The following GRTP1 variants were observed in gnomAD, a reference collection of about 807,000 sequenced individuals.
The protein encoded by GRTP1 is growth hormone regulated TBC protein 1.
GRTP1 carries 56 observed loss-of-function variants against 38.1 expected under a neutral mutation model. The ratio of observed to expected loss-of-function variants is 1.47; its 90% confidence interval spans 1.19 to 1.84. The LOEUF (loss-of-function observed/expected upper bound fraction) is 1.84. GRTP1 is among the 40% of genes most tolerant of loss of function. The pLI, the probability that GRTP1 is intolerant of heterozygous loss-of-function variation, is 0.00. For synonymous variants in GRTP1, 217 were observed against 189.5 expected (o/e 1.14, Z -1.19); for missense variants, 506 against 453.9 (o/e 1.11, Z -1.04).
At chr13:113,328,222 A>G (rs1020381845) in intron 5 of GRTP1, among the ~76,000 whole-genome samples, 1 of 152,078 alleles carries the variant, frequency 6.6e-6, no homozygotes, top group African/African-American at 2.4e-5. Context: ...CAAACCACCC[A>G]ACACTGTGCA....
chr13:113,327,605 C>T (rs887660052), intron 5 of GRTP1, among the ~76,000 whole-genome samples: 16 of 152,230 alleles, frequency 1.1e-4, no homozygotes, highest in Non-Finnish European at 2.1e-4. Context: ...ATACTAACGC[C>T]TCTGAAGGTG....
chr13:113,333,983 C>T (rs912601355), intron 5 of GRTP1, among the ~76,000 whole-genome samples: 2 of 151,388 alleles, frequency 1.3e-5, no homozygotes, highest in African/African-American at 4.9e-5. Flanking sequence ...TATAGGTGTG[C>T]GCCACCATGC....
chr13:113,324,628 G>A (rs750523938), intron 7 of GRTP1, 51 bp from the exon 8 acceptor site: 32 of 1,546,834 alleles, frequency 2.1e-5, no homozygotes, highest in Middle Eastern at 1.7e-4. Flanking sequence ...CCATTTCTAC[G>A]TTAGCTCTCC....
chr13:113,346,047 AGAGCAGACCCGGGAGGACCTCTGCGGCT>A (rs1566428839), intron 4 of GRTP1, among the ~76,000 whole-genome samples: 1 of 83,840 alleles, frequency 1.2e-5, no homozygotes, highest in African/African-American at 4.4e-5. Flanking sequence ...TCTGTGGCCG[AGAGCAGACCCGGGAGGACCTCTGCGGCT>A]GAGCAGACCT....
intron 5 of GRTP1, among the ~76,000 whole-genome samples, chr13:113,329,257 C>T (rs1210837825): frequency 6.6e-6 from 1 of 152,166 alleles, no homozygotes; most frequent in Non-Finnish European, 1.5e-5. Context: ...TCTGCAGTGC[C>T]ACGGAGACAT....
chr13:113,364,008 C>T lies in GRTP1; in HGVS notation c.32+12G>A, dbSNP rs778459566. On this transcript the variant is annotated intron_variant, in intron 1 of 7. Transcript: ENST00000375431. ...GCAGCCGCCGGGGACGCCCGCACCC[C>T]GCGCCACACACCTGGGGACCCGCGA... The T allele has an allele frequency of 2.7e-6, 4 of 1,461,228 alleles. No homozygotes were observed. The highest frequency in any genetic ancestry group is 1.5e-5 in the African/African-American group (1 of 67,240). 90.5% of individuals were successfully genotyped at this position (1,461,228 alleles called of 1,614,324 possible).
intron 5 of GRTP1, among the ~76,000 whole-genome samples, chr13:113,333,802 CTTTATTTA>C (rs374558438): frequency 4.9e-4 from 61 of 124,898 alleles, no homozygotes; most frequent in South Asian, 2.6e-3. Context: ...AGTGCCTGTA[CTTTATTTA>C]TTTATTTATT....
chr13:113,360,080 C>T (rs1162233666), intron 2 of GRTP1: 2 of 152,098 alleles, frequency 1.3e-5, no homozygotes, highest in African/African-American at 4.8e-5. Context: ...TATGTTTTCT[C>T]GATTTAACTT....
chr13:113,325,143 CTT>C, intron 7 of GRTP1: 1 of 1,029,624 alleles, frequency 9.7e-7, no homozygotes, highest in South Asian at 4.1e-5. Context: ...ATGGTCTTCT[CTT>C]TGATGAAGGC....
In GRTP1 at chr13:113,349,824, C is replaced by T. The variant is rs1171818158; in HGVS notation, c.465+1025G>A. Reference sequence around the variant, plus strand: ...CAAACTGCATTTTCTGGTTGGTGCACGCCTGGCTCCCGGCTCCTACAGGAA... The same window carrying T: ...CAAACTGCATTTTCTGGTTGGTGCATGCCTGGCTCCCGGCTCCTACAGGAA... On this transcript the variant is annotated intron_variant, in intron 4 of 7. Coordinates refer to ENST00000375431, the MANE Select transcript of GRTP1 (RefSeq NM_024719.4). This position sits in a 1 kb window ranked among gnomAD's most constrained non-coding sequence, Gnocchi z 5.0. 2.0e-5 allele frequency among the ~76,000 whole-genome samples: 3 copies of T among 152,172 alleles called. No individual in the cohort carries two copies. The highest frequency in any genetic ancestry group is 4.4e-5 in the Non-Finnish European group (3 of 68,030).
chr13:113,364,056 G>T lies in GRTP1; in HGVS notation c.-5C>A. The T allele has an allele frequency of 7.8e-7, 1 of 1,284,704 alleles. No homozygotes were observed. The highest frequency in any genetic ancestry group is 9.8e-7 in the Non-Finnish European group (1 of 1,022,596). The allele number at this position is 1,284,704 out of a possible 1,614,324, so 79.6% of individuals were successfully genotyped here. The stretch of plus-strand genomic sequence containing the variant: ...CGAGCGCTCGGCGGGCTGCATGCGG[G>T]GAGGGAGGCGCGCACCGAGCGAGGC... On this transcript the variant is annotated 5_prime_UTR_variant, in exon 1 of 8. Transcript: ENST00000375431.
Position 113,333,230 on chromosome 13 carries a change from G to A in GRTP1, c.563-7139C>T, listed in dbSNP as rs11843077. Among the ~76,000 whole-genome samples the A allele has an allele frequency of 3.1e-3, 465 of 152,264 alleles. 1 individual carries two copies. The highest frequency in any genetic ancestry group is 0.01 in the African/African-American group (435 of 41,570). On this transcript the variant is annotated intron_variant, in intron 5 of 7. Coordinates refer to ENST00000375431, the MANE Select transcript of GRTP1 (RefSeq NM_024719.4). ...AAGAGAAAGAGGTGCAGATTCCCACGCACAGACCGAAGGGGCCCAAGGGTT... is the reference window on the plus strand; with the variant it reads ...AAGAGAAAGAGGTGCAGATTCCCACACACAGACCGAAGGGGCCCAAGGGTT...
chr13:113,355,743 G>A, intron 2 of GRTP1: 1 of 310,626 alleles, frequency 3.2e-6, no homozygotes, highest in Non-Finnish European at 5.9e-6. Flanking sequence ...AGGTGGTCAA[G>A]AAACAGAGCC....
chr13:113,363,186 G>A (rs2043529546), intron 2 of GRTP1, among the ~76,000 whole-genome samples: 1 of 152,196 alleles, frequency 6.6e-6, no homozygotes, highest in Non-Finnish European at 1.5e-5. Context: ...GGGTCGCGGA[G>A]GAGCGGCAGG....
intron 2 of GRTP1, among the ~76,000 whole-genome samples, chr13:113,361,333 C>A (rs1250119118): frequency 2.0e-5 from 3 of 151,928 alleles, no homozygotes; most frequent in African/African-American, 7.3e-5. Flanking sequence ...TTTTCCTTTT[C>A]CCTGCTCTTC....
chr13:113,345,190 A>G (rs2043082987), intron 4 of GRTP1, among the ~76,000 whole-genome samples: 1 of 152,254 alleles, frequency 6.6e-6, no homozygotes, highest in South Asian at 2.1e-4. Context: ...AAACAGTTTA[A>G]AGAAATCCTG....
chr13:113,333,566 G>T (rs945629497), intron 5 of GRTP1, among the ~76,000 whole-genome samples: 1 of 152,056 alleles, frequency 6.6e-6, no homozygotes, highest in African/African-American at 2.4e-5. Flanking sequence ...GAGCAGTGGC[G>T]TGATCTCGGC....
At chr13:113,355,236 C>CCTGGACGCTGAGG (rs1351508536) in intron 3 of GRTP1, 87 bp downstream of exon 3, 1 of 1,421,268 alleles carries the variant, frequency 7.0e-7, no homozygotes, top group African/African-American at 1.4e-5. Context: ...ACCGCTCACC[C>CCTGGACGCTGAGG]CTGGACGCTG....
chr13:113,345,030 G>C, intron 4 of GRTP1, 71 bp from the exon 5 acceptor site: 1 of 1,513,150 alleles, frequency 6.6e-7, no homozygotes. Context: ...CAATCATTCG[G>C]CTACAAACTA....
Sources: allele counts gnomAD v4.1 joint callset (sites outside exome capture counted in the v4.1 genomes callset), GRCh38; gene constraint gnomAD v4.1.1; non-coding constraint Gnocchi (gnomAD v3.1); transcripts MANE v1.5; gene names NCBI Gene and HGNC (gene_info 2026-07-23, HGNC 2026-07-21).